Variants in DNAH17 observed in about 807,000 individuals in gnomAD.
DNAH17 encodes axonemal beta dynein heavy chain 17.
Under a neutral mutation model 485.6 loss-of-function variants are expected in DNAH17, and 376 were observed. The observed-to-expected ratio is 0.77, with a 90% CI of 0.71 to 0.84. The LOEUF (loss-of-function observed/expected upper bound fraction) is 0.84. Ranked by LOEUF, DNAH17 falls within the 40% of genes least tolerant of loss-of-function variation. The pLI is 0.00. For synonymous variants in DNAH17, 3,031 were observed against 2,405.9 expected (o/e 1.26, Z -7.60); for missense variants, 6,370 against 5,839.3 (o/e 1.09, Z -2.96).
chr17:78,515,318 G>A (rs1186676867), intron 25 of DNAH17, among the ~76,000 whole-genome samples: 1 of 152,156 alleles, frequency 6.6e-6, no homozygotes, highest in Non-Finnish European at 1.5e-5. Context: ...AGACCAGCCT[G>A]ACCAACATGG....
intron 54 of DNAH17, among the ~76,000 whole-genome samples, chr17:78,470,066 ACTC>A (rs1323206993): frequency 3.0e-5 from 3 of 99,142 alleles, no homozygotes; most frequent in African/African-American, 4.4e-5. Context: ...AAAATGTCTT[ACTC>A]TTTTTTTTTT....
chr17:78,426,589 G>A lies in DNAH17; in HGVS notation c.12783C>T (p.Thr4261=). Residue 4261 remains threonine (T), a synonymous_variant, in exon 79 of 81, where the codon ACC becomes ACT. Transcript: ENST00000389840. ...ELNLGLKGEL[T]ITTDVEDLST... ...ACAGATCTTCCACGTCGGTCGTGAT[G>A]GTCAGTTCTCCCTAGGAGACACACA... The A allele has an allele frequency of 1.2e-6, 2 of 1,609,314 alleles. No homozygotes were observed. The highest frequency in any genetic ancestry group is 1.7e-5 in the Admixed American group (1 of 59,426).
intron 54 of DNAH17, among the ~76,000 whole-genome samples, chr17:78,470,881 C>T (rs1312413846): frequency 6.6e-6 from 1 of 152,132 alleles, no homozygotes; most frequent in Non-Finnish European, 1.5e-5. Flanking sequence ...GATTTAAGGA[C>T]AGGGCGAGAA....
intron 2 of DNAH17, 27 bp from the exon 3 acceptor site, chr17:78,572,921 GC>G: frequency 1.9e-6 from 3 of 1,594,696 alleles, no homozygotes; most frequent in Non-Finnish European, 2.6e-6. Flanking sequence ...CTGTGGTTCC[GC>G]CCCCTGTGCC....
chr17:78,574,965 T>C lies in DNAH17; in HGVS notation c.93A>G (p.Ile31Met). ...KFKPDKWSKL[I>M]GAEENVALFT... The stretch of plus-strand genomic sequence containing the variant: ...ACAGGGCCACGTTCTCCTCGGCGCC[T>C]ATCAGCTTGCTCCACTTGTCCGGCT... The change falls in exon 2 of 81, where the codon ATA (isoleucine) becomes ATG (methionine). Residue 31 changes from isoleucine (I) to methionine (M), a missense_variant. Coordinates refer to ENST00000389840, the MANE Select transcript of DNAH17 (RefSeq NM_173628.4). 1 of 1,614,000 alleles carries C rather than the reference T, an allele frequency of 6.2e-7. No homozygotes were observed. The highest frequency in any genetic ancestry group is 8.5e-7 in the Non-Finnish European group (1 of 1,179,890).
chr17:78,458,560 G>A lies in DNAH17; in HGVS notation c.9977+5C>T, dbSNP rs775708138. On this transcript the variant is annotated splice_donor_5th_base_variant and intron_variant, in intron 62 of 80. Coordinates refer to ENST00000389840, the MANE Select transcript of DNAH17 (RefSeq NM_173628.4). The stretch of plus-strand genomic sequence containing the variant: ...AGGAGGGTGGTCTCGGGGAGGAGCT[G>A]ATACCTGTTCGCCAGTAAGATCACC... The A allele has an allele frequency of 2.2e-5, 36 of 1,612,070 alleles. No individual in the cohort carries two copies. In the South Asian group the frequency reaches 3.0e-4, roughly 13 times the overall value.
intron 71 of DNAH17, among the ~76,000 whole-genome samples, chr17:78,443,967 G>C (rs1024471925): frequency 6.6e-6 from 1 of 152,180 alleles, no homozygotes; most frequent in Admixed American, 6.5e-5. Context: ...CCCCAGGCTC[G>C]TTTCTGTGCT....
At chr17:78,501,157 T>A (rs368303446) in intron 35 of DNAH17, 27 bp downstream of exon 35, 4 of 1,550,158 alleles carry the variant, frequency 2.6e-6, no homozygotes, top group Non-Finnish European at 3.5e-6. Context: ...CAAGAGCACA[T>A]GTGAGTTACT....
chr17:78,576,782 G>A (rs569315290), intron 1 of DNAH17, among the ~76,000 whole-genome samples: 1 of 152,280 alleles, frequency 6.6e-6, no homozygotes, highest in African/African-American at 2.4e-5. Context: ...GCATGGGGTG[G>A]GCTGCCTCCC....
At position 78,554,436 on chromosome 17, in the gene DNAH17, CAAAAAAAAAAA is replaced by C. The variant is rs55701739; in HGVS notation, c.2179-1642_2179-1632del. On this transcript the variant is annotated intron_variant, in intron 14 of 80. Coordinates refer to ENST00000389840, the MANE Select transcript of DNAH17 (RefSeq NM_173628.4). ...TGGACAATAGAATGAGACTCTGTCT[CAAAAAAAAAAA>C]AAAAAAAAAAAAAAAAAAAAAAAAG... Among the ~76,000 whole-genome samples the C allele has an allele frequency of 1.7e-3, 55 of 32,250 alleles. No individual in the cohort carries two copies. In the East Asian group the frequency reaches 0.018, roughly 11 times the overall value. 21.2% of individuals were successfully genotyped at this position (32,250 alleles called of 152,430 possible).
chr17:78,536,628 C>T (rs2091381188), intron 19 of DNAH17, among the ~76,000 whole-genome samples: 1 of 151,836 alleles, frequency 6.6e-6, no homozygotes. Flanking sequence ...CTGCAGTCAG[C>T]CGAGATTGAA....
chr17:78,562,291 A>G (rs955070098), intron 11 of DNAH17, among the ~76,000 whole-genome samples: 2 of 152,126 alleles, frequency 1.3e-5, no homozygotes, highest in Non-Finnish European at 2.9e-5. Flanking sequence ...GACTTAAACA[A>G]TTAAAAAATA....
rs1055582003 is a variant in DNAH17 at position 78,439,131 on chromosome 17, G to C, written c.11764C>G (p.Leu3922Val). The change falls in exon 73 of 81, where the codon CTG becomes GTG. Residue 3922 changes from leucine (L) to valine (V), a missense_variant. By Grantham distance (32) the Leu-to-Val change is conservative. Transcript: ENST00000389840. Reference sequence around the variant, plus strand: ...TGTCCTTTCTCTGCAGCCACGTCCAGGGCGTTCTCAGCCACCACCTCTTGT... The same window carrying C: ...TGTCCTTTCTCTGCAGCCACGTCCACGGCGTTCTCAGCCACCACCTCTTGT... The part of the protein sequence containing the change: ...QGQEVVAENA[L>V]DVAAEKGHWV... 8.7e-6 allele frequency: 14 copies of C among 1,613,534 alleles called. No homozygotes were observed. Among genetic ancestry groups the C allele is most frequent in the Non-Finnish European group, 1.2e-5 (14 of 1,179,826 alleles).
intron 65 of DNAH17, among the ~76,000 whole-genome samples, chr17:78,452,710 C>T (rs893277989): frequency 6.6e-6 from 1 of 152,224 alleles, no homozygotes; most frequent in African/African-American, 2.4e-5. Context: ...TGGACTCCAG[C>T]CTGGACGACA....
Position 78,571,351 on chromosome 17 carries a change from C to A in DNAH17, c.760G>T (p.Val254Phe). 6.2e-7 allele frequency: 1 copy of A among 1,613,862 alleles called. No individual in the cohort carries two copies. Among genetic ancestry groups the A allele is most frequent in the East Asian group, 2.2e-5 (1 of 44,882 alleles). Reference sequence around the variant, plus strand: ...CTTTTGGCTTTCTCTAGGATCTCAACAATCTTGTTCACTTTGGGTCTGTTT... The same window carrying A: ...CTTTTGGCTTTCTCTAGGATCTCAAAAATCTTGTTCACTTTGGGTCTGTTT... ...QLNRPKVNKI[V>F]EILEKAKSCY... Residue 254 changes from valine to phenylalanine, a missense_variant, in exon 5 of 81, where the codon GTT becomes TTT. Physicochemically the swap from Val to Phe is conservative, Grantham distance 50. Transcript: ENST00000389840.
intron 20 of DNAH17, among the ~76,000 whole-genome samples, chr17:78,532,235 G>A (rs1323598186): frequency 6.6e-6 from 1 of 152,130 alleles, no homozygotes; most frequent in Non-Finnish European, 1.5e-5. Context: ...ATTTTCCCCA[G>A]CTCCCTCTGC....
intron 2 of DNAH17, among the ~76,000 whole-genome samples, chr17:78,574,069 C>T (rs979105544): frequency 3.9e-5 from 6 of 152,172 alleles, no homozygotes; most frequent in African/African-American, 1.4e-4. Flanking sequence ...CCCCACCTTC[C>T]CAGGCCATGG....
chr17:78,433,968 G>GGAGGGAAGGAGA, intron 75 of DNAH17, 61 bp downstream of exon 75: 2 of 1,403,708 alleles, frequency 1.4e-6, no homozygotes, highest in Non-Finnish European at 9.7e-7. Context: ...AGGGAAGGAG[G>GGAGGGAAGGAGA]GAGGGAAGGA....
intron 1 of DNAH17, among the ~76,000 whole-genome samples, chr17:78,576,414 G>A (rs1004782093): frequency 9.9e-5 from 15 of 152,126 alleles, no homozygotes; most frequent in African/African-American, 3.6e-4. Context: ...CAGAAACATG[G>A]CGGTCCACGA....
Sources: allele counts gnomAD v4.1 joint callset (sites outside exome capture counted in the v4.1 genomes callset), GRCh38; gene constraint gnomAD v4.1.1; transcripts MANE v1.5; gene names NCBI Gene and HGNC (gene_info 2026-07-23, HGNC 2026-07-21).